OR6C74: variants seen among roughly 807,000 people sequenced by gnomAD.
The protein encoded by OR6C74 is olfactory receptor family 6 subfamily C member 74.
For missense variants in OR6C74, 361 were observed against 362.9 expected (o/e 0.99, Z 0.04); for synonymous variants, 142 against 134.2 (o/e 1.06, Z -0.40).
In OR6C74 at chr12:55,252,579, T is replaced by G. The variant is rs781041097; in HGVS notation, c.*4353T>G. On this transcript the variant is annotated 3_prime_UTR_variant, in exon 2 of 2. Transcript: ENST00000343399. Reference sequence around the variant, plus strand: ...TTATATTTAATGAGTTTAAATAATTTCCAGTAACAAAAATCGTGGAAAGAA... The same window carrying G: ...TTATATTTAATGAGTTTAAATAATTGCCAGTAACAAAAATCGTGGAAAGAA... 5.9e-5 allele frequency among the ~76,000 whole-genome samples: 9 copies of G among 152,008 alleles called. No individual in the cohort carries two copies. The highest frequency in any genetic ancestry group is 8.8e-5 in the Non-Finnish European group (6 of 67,910).
rs1374605884 is a variant in OR6C74, at chr12:55,247,409, T to C, written c.122T>C (p.Leu41Pro). The change falls in exon 2 of 2, where the codon CTA (leucine) becomes CCA (proline). Residue 41 changes from leucine (L) to proline (P), a missense_variant. Leu to Pro is a moderately conservative substitution (Grantham distance 98). Transcript: ENST00000343399. ...FTYMLSITGN[L>P]TIITLTLLDL... ...TACATGTTGAGCATCACTGGGAATC[T>C]AACCATCATCACTCTCACCCTACTG... The C allele has an allele frequency of 3.7e-6, 6 of 1,612,946 alleles. No homozygotes were observed. Among genetic ancestry groups the C allele is most frequent in the Non-Finnish European group, 5.1e-6 (6 of 1,179,036 alleles).
chr12:55,249,248 G>A lies in OR6C74; in HGVS notation c.*1022G>A, dbSNP rs140346071. Among the ~76,000 whole-genome samples, 1 of 152,202 alleles carries A rather than the reference G, an allele frequency of 6.6e-6. No homozygotes were observed. ...AATTAGATATAATGACTGATCATGT[G>A]CAGAGTATTTAAAAACTTTTCCTTT... On this transcript the variant is annotated 3_prime_UTR_variant, in exon 2 of 2. Transcript: ENST00000343399.
chr12:55,251,297 A>G lies in OR6C74; in HGVS notation c.*3071A>G, dbSNP rs1032801265. Among the ~76,000 whole-genome samples, 1 of 152,072 alleles carries G rather than the reference A, an allele frequency of 6.6e-6. No homozygotes were observed. Among genetic ancestry groups the G allele is most frequent in the Non-Finnish European group, 1.5e-5 (1 of 67,952 alleles). On this transcript the variant is annotated 3_prime_UTR_variant, in exon 2 of 2. Coordinates refer to ENST00000343399, the MANE Select transcript of OR6C74 (RefSeq NM_001005490.2). The stretch of plus-strand genomic sequence containing the variant: ...CTGTGGAAGGCTGGTCGACAAGTAT[A>G]TGTTAGTCACTTCATACTCAAATTT...
At position 55,256,424 on chromosome 12, in the gene OR6C74, T is replaced by C. The variant is rs961546814; in HGVS notation, c.*8198T>C. 6.6e-6 allele frequency among the ~76,000 whole-genome samples: 1 copy of C among 152,140 alleles called. No homozygotes were observed. Among genetic ancestry groups the C allele is most frequent in the Non-Finnish European group, 1.5e-5 (1 of 68,004 alleles). Reference sequence around the variant, plus strand: ...ACCTCCTGTTTCTATGGATTGTTTGTAACCAGCTTTTGCTGCAACTGTTAC... The same window carrying C: ...ACCTCCTGTTTCTATGGATTGTTTGCAACCAGCTTTTGCTGCAACTGTTAC... On this transcript the variant is annotated 3_prime_UTR_variant, in exon 2 of 2. Transcript: ENST00000343399.
chr12:55,252,686 C>T lies in OR6C74; in HGVS notation c.*4460C>T, dbSNP rs1954318975. Among the ~76,000 whole-genome samples, 1 of 151,876 alleles carries T rather than the reference C, an allele frequency of 6.6e-6. No individual in the cohort carries two copies. Among genetic ancestry groups the T allele is most frequent in the South Asian group, 2.1e-4 (1 of 4,832 alleles). On this transcript the variant is annotated 3_prime_UTR_variant, in exon 2 of 2. Coordinates refer to ENST00000343399, the MANE Select transcript of OR6C74 (RefSeq NM_001005490.2). Reference sequence around the variant, plus strand: ...GTTACTTTTTCCCATATTTTTAAAACACCATCTGTTTTGGAACAGAGTAAG... The same window carrying T: ...GTTACTTTTTCCCATATTTTTAAAATACCATCTGTTTTGGAACAGAGTAAG...
intron 1 of OR6C74, among the ~76,000 whole-genome samples, chr12:55,246,413 G>A (rs1018786873): frequency 6.6e-6 from 1 of 152,142 alleles, no homozygotes; most frequent in African/African-American, 2.4e-5. Flanking sequence ...GAGTGCAGTG[G>A]CATGATCATA....
At position 55,247,960 on chromosome 12, in the gene OR6C74, A is replaced by G; in HGVS notation, c.673A>G (p.Lys225Glu). ...CACAAATATTATCAGGACTATTCTG[A>G]AAATACCTTCTTCTCAACAGAGAAA... is the stretch of plus-strand genomic sequence containing the variant. ...SYTNIIRTILKIPSSQQRKKA... is the reference protein window; with the variant it reads ...SYTNIIRTILEIPSSQQRKKA... The change falls in exon 2 of 2, where the codon AAA becomes GAA. Residue 225 changes from lysine (K) to glutamate (E), a missense_variant. By Grantham distance (56) the Lys-to-Glu change is moderately conservative (BLOSUM62 1). Coordinates refer to ENST00000343399, the MANE Select transcript of OR6C74 (RefSeq NM_001005490.2). 1 of 1,614,062 alleles carries G rather than the reference A, an allele frequency of 6.2e-7. No individual in the cohort carries two copies. The highest frequency in any genetic ancestry group is 8.5e-7 in the Non-Finnish European group (1 of 1,179,968).
chr12:55,245,888 G>T (rs1954267416), intron 1 of OR6C74, among the ~76,000 whole-genome samples: 1 of 151,400 alleles, frequency 6.6e-6, no homozygotes, highest in Admixed American at 6.6e-5. Flanking sequence ...TTAGAAAAAT[G>T]ATCAACCAAA....
At position 55,251,408 on chromosome 12, in the gene OR6C74, T is replaced by C. The variant is rs1954310325; in HGVS notation, c.*3182T>C. Among the ~76,000 whole-genome samples, 1 of 152,034 alleles carries C rather than the reference T, an allele frequency of 6.6e-6. No homozygotes were observed. The highest frequency in any genetic ancestry group is 2.1e-4 in the South Asian group (1 of 4,830). Reference sequence around the variant, plus strand: ...TATTTCTTGCAACGAACTCTAAATCTCATAGTTTTCTACATTCTCTTCATC... The same window carrying C: ...TATTTCTTGCAACGAACTCTAAATCCCATAGTTTTCTACATTCTCTTCATC... On this transcript the variant is annotated 3_prime_UTR_variant, in exon 2 of 2. Coordinates refer to ENST00000343399, the MANE Select transcript of OR6C74 (RefSeq NM_001005490.2).
rs771574137 is a variant in OR6C74, at chr12:55,247,809, T to C, written c.522T>C (p.His174=). The change falls in exon 2 of 2, where the codon CAT becomes CAC. Residue 174 remains histidine, a synonymous_variant. Transcript: ENST00000343399. ...TCTGTGCAGCCAACACTGTAGATCATTTCTTCTGTGATGTTTCTCCTATAC... is the reference window on the plus strand; with the variant it reads ...TCTGTGCAGCCAACACTGTAGATCACTTCTTCTGTGATGTTTCTCCTATAC... ...LDFCAANTVD[H]FFCDVSPILQ... 1.1e-5 allele frequency: 17 copies of C among 1,614,068 alleles called. No homozygotes were observed. Among genetic ancestry groups the C allele is most frequent in the African/African-American group, 2.7e-5 (2 of 75,042 alleles).
rs937348750 is a variant in OR6C74, at chr12:55,244,635, G to A, written c.-192G>A. ...TCGTATAGACTAGAAACACCTCAGCGTGAACAACAAGCTAGAAACCTTCTC... is the reference window on the plus strand; with the variant it reads ...TCGTATAGACTAGAAACACCTCAGCATGAACAACAAGCTAGAAACCTTCTC... On this transcript the variant is annotated 5_prime_UTR_variant, in exon 1 of 2. The change creates a new upstream start codon in the 5' untranslated region. Transcript: ENST00000343399. Among the ~76,000 whole-genome samples, 3 of 152,034 alleles carry A rather than the reference G, an allele frequency of 2.0e-5. No homozygotes were observed. Among genetic ancestry groups the A allele is most frequent in the Admixed American group, 1.3e-4 (2 of 15,268 alleles).
chr12:55,245,278 C>A (rs1954263390), intron 1 of OR6C74, among the ~76,000 whole-genome samples: 1 of 152,112 alleles, frequency 6.6e-6, no homozygotes, highest in Admixed American at 6.5e-5. Context: ...TTGCAACATA[C>A]AATTGAATCT....
rs1954290730 is a variant in OR6C74, at chr12:55,248,322, C to A, written c.*96C>A. 6 of 732,714 alleles carry A rather than the reference C, an allele frequency of 8.2e-6. No individual in the cohort carries two copies. The South Asian group carries it at 1.0e-4, about 12-fold the overall frequency. The allele number at this position is 732,714 out of a possible 1,614,324, so 45.4% of individuals were successfully genotyped here. ...TCAATGTTTGTATTCAATAATATTA[C>A]CTCTTTTTTGACTTATAATTTTCAT... On this transcript the variant is annotated 3_prime_UTR_variant, in exon 2 of 2. Transcript: ENST00000343399.
In OR6C74 at chr12:55,247,334, CAG is replaced by C; in HGVS notation, c.49_50del (p.Asp17Ter). On this transcript the variant is annotated frameshift_variant, in exon 2 of 2. Coordinates refer to ENST00000343399, the MANE Select transcript of OR6C74 (RefSeq NM_001005490.2). LOFTEE classifies it low-confidence loss of function (END_TRUNC). ...GCAAACTTTATTCTTCTTGGACTGA[CAG>C]ATGATCCACAATTACAGGTGATTAT... is the stretch of plus-strand genomic sequence containing the variant. The C allele has an allele frequency of 6.2e-7, 1 of 1,611,750 alleles. No individual in the cohort carries two copies. Among genetic ancestry groups the C allele is most frequent in the Non-Finnish European group, 8.5e-7 (1 of 1,178,006 alleles).
rs1013967610 is a variant in OR6C74 at position 55,255,034 on chromosome 12, C to T, written c.*6808C>T. Among the ~76,000 whole-genome samples the T allele has an allele frequency of 6.6e-6, 1 of 151,980 alleles. No individual in the cohort carries two copies. The highest frequency in any genetic ancestry group is 1.5e-5 in the Non-Finnish European group (1 of 67,972). On this transcript the variant is annotated 3_prime_UTR_variant, in exon 2 of 2. Coordinates refer to ENST00000343399, the MANE Select transcript of OR6C74 (RefSeq NM_001005490.2). Reference sequence around the variant, plus strand: ...TTTTTTTACAAAGTTGTTTTAATATCATTCAGCCTTGAAAGATCGAAATAA... The same window carrying T: ...TTTTTTTACAAAGTTGTTTTAATATTATTCAGCCTTGAAAGATCGAAATAA...
rs965913107 is a variant in OR6C74, at chr12:55,248,125, G to T, written c.838G>T (p.Ala280Ser). 7 of 1,613,700 alleles carry T rather than the reference G, an allele frequency of 4.3e-6. No homozygotes were observed. Among genetic ancestry groups the T allele is most frequent in the Non-Finnish European group, 5.9e-6 (7 of 1,179,738 alleles). The change falls in exon 2 of 2, where the codon GCC becomes TCC. Residue 280 changes from alanine to serine, a missense_variant. Ala to Ser is a moderately conservative substitution (Grantham distance 99). Transcript: ENST00000343399. ...GATAGCTCTGCTCAGCACTTCTGTT[G>T]CCCCCATGTTGAATCCCTTTATTTA... ...KGIALLSTSV[A>S]PMLNPFIYTL...
chr12:55,247,422 T>G lies in OR6C74; in HGVS notation c.135T>G (p.Thr45=). 1.9e-6 allele frequency: 3 copies of G among 1,613,636 alleles called. No individual in the cohort carries two copies. The highest frequency in any genetic ancestry group is 2.5e-6 in the Non-Finnish European group (3 of 1,179,574). Residue 45 remains threonine (T), a synonymous_variant, in exon 2 of 2, where the codon ACT becomes ACG. Transcript: ENST00000343399. ...LSITGNLTII[T]LTLLDLHLKT... ...TCACTGGGAATCTAACCATCATCAC[T>G]CTCACCCTACTGGATTTGCATCTCA...
In OR6C74 at chr12:55,247,813, T is replaced by C; in HGVS notation, c.526T>C (p.Phe176Leu). The C allele has an allele frequency of 1.2e-6, 2 of 1,614,078 alleles. No individual in the cohort carries two copies. Among genetic ancestry groups the C allele is most frequent in the Non-Finnish European group, 1.7e-6 (2 of 1,180,002 alleles). Residue 176 changes from phenylalanine to leucine, a missense_variant, in exon 2 of 2, where the codon TTC (phenylalanine) becomes CTC (leucine). Coordinates refer to ENST00000343399, the MANE Select transcript of OR6C74 (RefSeq NM_001005490.2). ...TGCAGCCAACACTGTAGATCATTTC[T>C]TCTGTGATGTTTCTCCTATACTGCA... Reference protein sequence around the residue: ...FCAANTVDHFFCDVSPILQLS... With the variant: ...FCAANTVDHFLCDVSPILQLS...
At position 55,253,516 on chromosome 12, in the gene OR6C74, T is replaced by C. The variant is rs752689909; in HGVS notation, c.*5290T>C. On this transcript the variant is annotated 3_prime_UTR_variant, in exon 2 of 2. Transcript: ENST00000343399. The stretch of plus-strand genomic sequence containing the variant: ...CCTGAATATATGTGTTTTAACTGTA[T>C]GCACAGGACAACTTTGCACATGCAC... 6.6e-6 allele frequency among the ~76,000 whole-genome samples: 1 copy of C among 152,120 alleles called. No individual in the cohort carries two copies. Among genetic ancestry groups the C allele is most frequent in the Non-Finnish European group, 1.5e-5 (1 of 67,978 alleles).
Sources: gnomAD v4.1 joint callset for allele counts (sites outside exome capture counted in the v4.1 genomes callset) on GRCh38, gnomAD v4.1.1 for gene constraint, MANE v1.5 for transcripts, NCBI Gene and HGNC (gene_info 2026-07-23, HGNC 2026-07-21) for gene names.